Variants in TCF4 observed in about 807,000 individuals in gnomAD.
TCF4 encodes SL3-3 enhancer factor 2.
TCF4 carries 3 observed loss-of-function variants against 82.1 expected under a neutral mutation model. The ratio of observed to expected loss-of-function variants is 0.04; its 90% CI spans 0.02 to 0.09. The LOEUF is 0.09. Ranked by LOEUF, TCF4 falls within the 10% of genes least tolerant of loss-of-function variation. TCF4 has a pLI of 1.00. For synonymous variants in TCF4, 276 were observed against 309.6 expected, an observed-to-expected ratio of 0.89 and a Z score of 1.14; for missense variants, 518 against 852.7, an observed-to-expected ratio of 0.61 and a Z score of 4.89.
intron 4 of TCF4, among the ~76,000 whole-genome samples, chr18:55,463,243 T>C (rs1431346774): frequency 6.6e-6 from 1 of 152,186 alleles, no homozygotes; most frequent in Non-Finnish European, 1.5e-5. Context: ...AGAAATTTCA[T>C]ACAAAATCAT....
At chr18:55,544,139 G>A (rs2097186286) in intron 3 of TCF4, among the ~76,000 whole-genome samples, 1 of 152,178 alleles carries the variant, frequency 6.6e-6, no homozygotes, top group Non-Finnish European at 1.5e-5. Flanking sequence ...GAGTGCTGAC[G>A]ACATGTATGT....
chr18:55,425,354 T>G (rs545692259), intron 5 of TCF4, among the ~76,000 whole-genome samples: 1 of 151,842 alleles, frequency 6.6e-6, no homozygotes, highest in African/African-American at 2.4e-5. Flanking sequence ...TTTGGCTTTT[T>G]TTTTTTCTTT....
chr18:55,311,321 C>G (rs2072350252), intron 8 of TCF4, among the ~76,000 whole-genome samples: 1 of 152,134 alleles, frequency 6.6e-6, no homozygotes, highest in Non-Finnish European at 1.5e-5. Flanking sequence ...CAGGACTTCC[C>G]AACCTCAGCA....
intron 3 of TCF4, among the ~76,000 whole-genome samples, chr18:55,543,909 T>G (rs1292338813): frequency 1.3e-5 from 2 of 152,172 alleles, no homozygotes; most frequent in Non-Finnish European, 2.9e-5. Flanking sequence ...TTGGATTATG[T>G]ATGGAAGAAA....
In TCF4 at chr18:55,232,669, T is replaced by C. The variant is rs946579858; in HGVS notation, c.1489A>G (p.Met497Val). ...CTCTGCCCCTGTAGTCCTGGTGGCA[T>C]GCCTGCCGAAAAAGAGAAATCAGGT... ...LNPPQDPYRG[M>V]PPGLQGQSVS... Residue 497 changes from methionine to valine, a missense_variant and splice_region_variant, in exon 17 of 20, where the codon ATG becomes GTG. This residue lies in a region of TCF4 where 144 missense variants were observed against 190.2 expected (regional missense o/e 0.76). Transcript: ENST00000354452. 8.7e-6 allele frequency: 14 copies of C among 1,614,164 alleles called. No homozygotes were observed. The highest frequency in any genetic ancestry group is 1.2e-5 in the Non-Finnish European group (14 of 1,180,016).
chr18:55,588,195 A>G, upstream of TCF4: 6 of 1,210,940 alleles, frequency 5.0e-6, no homozygotes, highest in Non-Finnish European at 5.1e-6. Context: ...AGATCCGCAG[A>G]CACACAGCCA....
At chr18:55,457,493 T>C (rs2095787087) in intron 5 of TCF4, among the ~76,000 whole-genome samples, 2 of 145,978 alleles carry the variant, frequency 1.4e-5, no homozygotes, top group Admixed American at 6.8e-5. Flanking sequence ...AAACATTTTA[T>C]TACTTTTTTT....
chr18:55,493,672 A>G (rs2096598975), intron 3 of TCF4, among the ~76,000 whole-genome samples: 1 of 152,210 alleles, frequency 6.6e-6, no homozygotes, highest in African/African-American at 2.4e-5. Context: ...TCTTATTAAT[A>G]TATTGTTTAC....
At chr18:55,401,487 C>A in intron 6 of TCF4, 1 of 992,442 alleles carries the variant, frequency 1.0e-6, no homozygotes. Flanking sequence ...GACATTAATG[C>A]CTCAAAACGA....
chr18:55,457,762 A>G (rs1197905606), intron 5 of TCF4, among the ~76,000 whole-genome samples: 1 of 152,230 alleles, frequency 6.6e-6, no homozygotes, highest in Non-Finnish European at 1.5e-5. Flanking sequence ...ATAGAGACAC[A>G]AATGAACTAA....
At chr18:55,444,907 AG>A (rs2095499831) in intron 5 of TCF4, among the ~76,000 whole-genome samples, 1 of 152,232 alleles carries the variant, frequency 6.6e-6, no homozygotes, top group Non-Finnish European at 1.5e-5. Context: ...CCAGACACCA[AG>A]AAGCCAAGGA....
chr18:55,290,743 G>A (rs186481640), intron 8 of TCF4, among the ~76,000 whole-genome samples: 38 of 152,180 alleles, frequency 2.5e-4, no homozygotes, highest in Non-Finnish European at 4.9e-4. Flanking sequence ...AAGCAAGAGC[G>A]ATCAGGAAGA....
chr18:55,352,363 G>A (rs2082489382), intron 6 of TCF4, among the ~76,000 whole-genome samples: 1 of 152,038 alleles, frequency 6.6e-6, no homozygotes, highest in East Asian at 1.9e-4. Flanking sequence ...ATCATAAAGA[G>A]AACCTCTCTA....
intron 6 of TCF4, among the ~76,000 whole-genome samples, chr18:55,385,023 C>T (rs1333460604): frequency 1.3e-5 from 2 of 152,156 alleles, no homozygotes; most frequent in Non-Finnish European, 2.9e-5. Flanking sequence ...TTTCCTCTTT[C>T]TCCCTCCCCC....
intron 3 of TCF4, among the ~76,000 whole-genome samples, chr18:55,577,070 T>A (rs981593820): frequency 6.8e-6 from 1 of 146,372 alleles, no homozygotes; most frequent in Admixed American, 6.9e-5. Context: ...AGGTACTAAA[T>A]ATATATATAT....
At chr18:55,354,989 G>T (rs2083151552) in intron 6 of TCF4, among the ~76,000 whole-genome samples, 1 of 152,150 alleles carries the variant, frequency 6.6e-6, no homozygotes. Context: ...AGTCTCAGAT[G>T]AAACCAGATT....
intron 8 of TCF4, chr18:55,302,563 G>A (rs2068670559): frequency 2.0e-6 from 3 of 1,534,996 alleles, no homozygotes; most frequent in Non-Finnish European, 2.6e-6. Flanking sequence ...GAGCAAGCAG[G>A]ACCACAGCCC....
chr18:55,517,452 C>G (rs1196024517), intron 3 of TCF4, among the ~76,000 whole-genome samples: 3 of 152,130 alleles, frequency 2.0e-5, no homozygotes, highest in Non-Finnish European at 4.4e-5. Context: ...AGAGAACCAA[C>G]TGGCTGAGCT....
Position 55,598,437 on chromosome 18 carries a change from C to T in TCF4, c.287-11301G>A, listed in dbSNP as rs531118047. ...AGTTCTGGGATACATGCACAGAACGCGCAGGTTTGTTACATAGGTATACAT... is the reference window on the plus strand; with the variant it reads ...AGTTCTGGGATACATGCACAGAACGTGCAGGTTTGTTACATAGGTATACAT... On this transcript the variant is annotated intron_variant, in intron 2 of 20. Coordinates refer to the TCF4 transcript ENST00000398339. Among the ~76,000 whole-genome samples, 15 of 152,172 alleles carry T rather than the reference C, an allele frequency of 9.9e-5. No homozygotes were observed. The South Asian group carries it at 2.1e-3, about 21-fold the overall frequency.
Sources: allele counts gnomAD v4.1 joint callset (sites outside exome capture counted in the v4.1 genomes callset), GRCh38; gene constraint gnomAD v4.1.1; regional missense constraint gnomAD v4.1.1; transcripts MANE v1.5; gene names NCBI Gene and HGNC (gene_info 2026-07-23, HGNC 2026-07-21).